Variants in GCA observed in about 807,000 individuals in gnomAD.
GCA encodes grancalcin.
GCA carries 30 observed loss-of-function variants against 32.6 expected under a neutral mutation model. The ratio of observed to expected loss-of-function variants is 0.92; its 90% CI spans 0.69 to 1.25. The LOEUF (loss-of-function observed/expected upper bound fraction) is 1.25, where lower values mean the gene tolerates loss of function less well. GCA is among the 50% of genes most tolerant of loss of function. GCA has a pLI of 0.00. For missense variants in GCA, 291 were observed against 266.8 expected, an observed-to-expected ratio of 1.09 and a Z score of -0.63; for synonymous variants, 102 against 84.6, an observed-to-expected ratio of 1.21 and a Z score of -1.13.
chr2:162,361,858 T>C lies in GCA; in HGVS notation c.*1615T>C. 3.0e-6 allele frequency: 3 copies of C among 984,040 alleles called. No homozygotes were observed. Among genetic ancestry groups the C allele is most frequent in the Non-Finnish European group, 3.6e-6 (3 of 828,874 alleles). The allele number at this position is 984,040 out of a possible 1,614,324, so 61.0% of individuals were successfully genotyped here. ...AACACTAAGTGTCGTTCACATCGAA[T>C]GGTGATAATGTCGCTCAGCAACCTG... On this transcript the variant is annotated 3_prime_UTR_variant, in exon 8 of 8. Transcript: ENST00000437150.
At chr2:162,353,610 G>A (rs992588257) in intron 3 of GCA, among the ~76,000 whole-genome samples, 1 of 152,294 alleles carries the variant, frequency 6.6e-6, no homozygotes, top group South Asian at 2.1e-4. Context: ...TAAAGGTATT[G>A]CTCCATTGTT....
At chr2:162,349,877 T>G (rs1035867987) in intron 2 of GCA, among the ~76,000 whole-genome samples, 1 of 152,192 alleles carries the variant, frequency 6.6e-6, no homozygotes, top group South Asian at 2.1e-4. Context: ...CAAGAAAGAT[T>G]TATTGATGTA....
At position 162,347,669 on chromosome 2, in the gene GCA, G is replaced by A; in HGVS notation, c.119G>A (p.Gly40Glu). 1 of 1,610,236 alleles carries A rather than the reference G, an allele frequency of 6.2e-7. No individual in the cohort carries two copies. The highest frequency in any genetic ancestry group is 8.5e-7 in the Non-Finnish European group (1 of 1,177,414). ...GCTATACTCCTCGATGGATACTCTGGGCCAGCATATTCAGACACTTATTCC... is the reference window on the plus strand; with the variant it reads ...GCTATACTCCTCGATGGATACTCTGAGCCAGCATATTCAGACACTTATTCC... ...GPAILLDGYS[G>E]PAYSDTYSSA... is the part of the protein sequence containing the mutation. The change falls in exon 2 of 8, where the codon GGG becomes GAG. Residue 40 changes from glycine (G) to glutamate (E), a missense_variant. By Grantham distance (98) the Gly-to-Glu change is moderately conservative. Transcript: ENST00000437150.
At position 162,362,256 on chromosome 2, in the gene GCA, C is replaced by A. The variant is rs74724317; in HGVS notation, c.*2013C>A. ...TTTCCAAACTTTTTGACCACAGAAC[C>A]CCTTTCTCTAGCAAAACCTAACATT... is the stretch of plus-strand genomic sequence containing the variant. On this transcript the variant is annotated 3_prime_UTR_variant, in exon 8 of 8. Coordinates refer to ENST00000437150, the MANE Select transcript of GCA (RefSeq NM_012198.5). The A allele has an allele frequency of 4.2e-3, 4,154 of 984,394 alleles. 256 individuals carry two copies. The Admixed American group carries it at 0.15, about 36-fold the overall frequency. The allele number at this position is 984,394 out of a possible 1,614,324, so 61.0% of individuals were successfully genotyped here.
chr2:162,326,829 C>G (rs1428322610), intron 1 of GCA, among the ~76,000 whole-genome samples: 1 of 152,154 alleles, frequency 6.6e-6, no homozygotes, highest in South Asian at 2.1e-4. Context: ...TCCTTTCCTT[C>G]TTTCCACAAA....
chr2:162,365,749 T>C (rs180680218), downstream of GCA, among the ~76,000 whole-genome samples: 44 of 151,806 alleles, frequency 2.9e-4, no homozygotes, highest in African/African-American at 1.0e-3. Context: ...GTGCCTTTAA[T>C]TGAAATCACT....
At chr2:162,336,323 CAGAA>C (rs1208749186) in intron 1 of GCA, among the ~76,000 whole-genome samples, 1 of 152,070 alleles carries the variant, frequency 6.6e-6, no homozygotes, top group Non-Finnish European at 1.5e-5. Context: ...AAATAATGTA[CAGAA>C]AGATATTTCA....
intron 1 of GCA, among the ~76,000 whole-genome samples, chr2:162,338,248 C>T (rs938084875): frequency 2.6e-5 from 4 of 152,058 alleles, no homozygotes; most frequent in Admixed American, 1.3e-4. Flanking sequence ...GGGGGGCACT[C>T]TTATTTTACA....
intron 1 of GCA, among the ~76,000 whole-genome samples, chr2:162,324,505 C>T (rs902899102): frequency 2.0e-5 from 3 of 152,166 alleles, no homozygotes; most frequent in Admixed American, 2.0e-4. Flanking sequence ...AACCTTCAGC[C>T]TCCTATGTGT....
chr2:162,362,043 G>T lies in GCA; in HGVS notation c.*1800G>T, dbSNP rs935692078. ...TTCTGCCAGGTGACACTCTATATTA[G>T]AACTCTTTAACACAATTTTCATTTA... On this transcript the variant is annotated 3_prime_UTR_variant, in exon 8 of 8. Coordinates refer to ENST00000437150, the MANE Select transcript of GCA (RefSeq NM_012198.5). 6.0e-5 allele frequency: 59 copies of T among 983,496 alleles called. No individual in the cohort carries two copies. Among genetic ancestry groups the T allele is most frequent in the Non-Finnish European group, 6.4e-5 (53 of 828,492 alleles). The allele number at this position is 983,496 out of a possible 1,614,324, so 60.9% of individuals were successfully genotyped here. A position where few individuals can be genotyped will look rare whatever the true frequency, so the allele number is the denominator to read the frequency against.
upstream of GCA, among the ~76,000 whole-genome samples, chr2:162,342,070 C>T (rs1432736214): frequency 1.3e-5 from 2 of 152,038 alleles, no homozygotes; most frequent in East Asian, 3.9e-4. Flanking sequence ...TGCTATTGTT[C>T]ATACAGTATT....
chr2:162,374,974 G>C (rs1438080957), downstream of GCA, among the ~76,000 whole-genome samples: 1 of 152,028 alleles, frequency 6.6e-6, no homozygotes, highest in Non-Finnish European at 1.5e-5. Context: ...TAATTTTTAT[G>C]CTTCCAACTA....
At position 162,360,625 on chromosome 2, in the gene GCA, G is replaced by A; in HGVS notation, c.*382G>A. 8.2e-7 allele frequency: 1 copy of A among 1,223,200 alleles called. No individual in the cohort carries two copies. Among genetic ancestry groups the A allele is most frequent in the Non-Finnish European group, 1.0e-6 (1 of 972,114 alleles). The allele number at this position is 1,223,200 out of a possible 1,614,324, so 75.8% of individuals were successfully genotyped here. A position where few individuals can be genotyped will look rare whatever the true frequency, so the allele number is the denominator to read the frequency against. Reference sequence around the variant, plus strand: ...AAAACTAATTTATACTTATCTGAAGGTTACAAATTAGACTTTTAAATTTTC... The same window carrying A: ...AAAACTAATTTATACTTATCTGAAGATTACAAATTAGACTTTTAAATTTTC... On this transcript the variant is annotated 3_prime_UTR_variant, in exon 8 of 8. Coordinates refer to ENST00000437150, the MANE Select transcript of GCA (RefSeq NM_012198.5).
At chr2:162,358,782 T>G (rs1274894756) in intron 5 of GCA, among the ~76,000 whole-genome samples, 2 of 151,438 alleles carry the variant, frequency 1.3e-5, no homozygotes, top group Non-Finnish European at 3.0e-5. Flanking sequence ...TAACAATATA[T>G]GATAAATTCA....
downstream of GCA, among the ~76,000 whole-genome samples, chr2:162,363,523 TTAAATGAA>T (rs980358947): frequency 1.3e-5 from 2 of 151,360 alleles, no homozygotes; most frequent in African/African-American, 4.8e-5. Flanking sequence ...AGACAGGATT[TTAAATGAA>T]TATTGCTCAG....
intron 1 of GCA, among the ~76,000 whole-genome samples, chr2:162,326,925 G>A (rs1683906076): frequency 6.6e-6 from 1 of 152,192 alleles, no homozygotes; most frequent in Non-Finnish European, 1.5e-5. Context: ...ACCTTGGCAG[G>A]TGCCAGCCAT....
chr2:162,355,895 G>T (rs7575414), intron 3 of GCA, among the ~76,000 whole-genome samples: 9,673 of 151,710 alleles, frequency 0.064, 970 homozygotes, highest in African/African-American at 0.21. Context: ...TTTCTAAAAT[G>T]GAAATTTTAG....
At chr2:162,337,338 G>T (rs1269466931) in intron 1 of GCA, among the ~76,000 whole-genome samples, 1 of 152,186 alleles carries the variant, frequency 6.6e-6, no homozygotes, top group Non-Finnish European at 1.5e-5. Context: ...TCCATGTTTT[G>T]ATAACTGCTT....
Position 162,361,866 on chromosome 2 carries a change from A to G in GCA, c.*1623A>G. 1.0e-6 allele frequency: 1 copy of G among 984,418 alleles called. No individual in the cohort carries two copies. The highest frequency in any genetic ancestry group is 1.2e-6 in the Non-Finnish European group (1 of 829,192). 61.0% of individuals were successfully genotyped at this position (984,418 alleles called of 1,614,324 possible). On this transcript the variant is annotated 3_prime_UTR_variant, in exon 8 of 8. Coordinates refer to ENST00000437150, the MANE Select transcript of GCA (RefSeq NM_012198.5). ...GTGTCGTTCACATCGAATGGTGATA[A>G]TGTCGCTCAGCAACCTGTAATCTTA...
Sources: gnomAD v4.1 joint callset for allele counts (sites outside exome capture counted in the v4.1 genomes callset) on GRCh38, gnomAD v4.1.1 for gene constraint, MANE v1.5 for transcripts, NCBI Gene and HGNC (gene_info 2026-07-23, HGNC 2026-07-21) for gene names.